The following ADAMTS14 variants were observed in gnomAD, a reference collection of about 807,000 sequenced individuals.
The protein encoded by ADAMTS14 is ADAM metallopeptidase with thrombospondin type 1 motif 14.
ADAMTS14 carries 100 observed loss-of-function variants against 128.6 expected under a neutral mutation model. The ratio of observed to expected loss-of-function variants is 0.78; its 90% CI spans 0.66 to 0.92. ADAMTS14 has a LOEUF of 0.92. Ranked by LOEUF, ADAMTS14 falls within the 40% of genes least tolerant of loss-of-function variation. The pLI, the probability that ADAMTS14 is intolerant of heterozygous loss-of-function variation, is 0.00. For missense variants in ADAMTS14, 1,562 were observed against 1,658.6 expected, an observed-to-expected ratio of 0.94 and a Z score of 1.01; for synonymous variants, 665 against 653.8, an observed-to-expected ratio of 1.02 and a Z score of -0.26.
intron 1 of ADAMTS14, 56 bp downstream of exon 1, chr10:70,672,940 G>T (rs954615117): frequency 2.9e-6 from 4 of 1,381,638 alleles, no homozygotes; most frequent in Non-Finnish European, 3.7e-6. Flanking sequence ...ACGCGGTCAG[G>T]GTGGCCCAAG....
rs74797959 is a variant in ADAMTS14 at position 70,702,363 on chromosome 10, C to G, written c.574C>G (p.Arg192Gly). ...CGACTTCTTCATTGAGCCTCTGGAG[C>G]GGGGCCAGCAGGAGAAGGAGGCCAG... ...STDFFIEPLERGQQEKEASGR... is the reference protein window; with the variant it reads ...STDFFIEPLEGGQQEKEASGR... Residue 192 changes from arginine to glycine, a missense_variant, in exon 3 of 22, where the codon CGG becomes GGG. Arg to Gly is a moderately radical substitution (Grantham distance 125). Transcript: ENST00000373207. The G allele has an allele frequency of 3.8e-5, 61 of 1,614,028 alleles. No individual in the cohort carries two copies. The highest frequency in any genetic ancestry group is 4.9e-5 in the Non-Finnish European group (58 of 1,180,030).
At chr10:70,692,085 C>T (rs911130554) in intron 2 of ADAMTS14, among the ~76,000 whole-genome samples, 3 of 151,968 alleles carry the variant, frequency 2.0e-5, no homozygotes, top group Non-Finnish European at 2.9e-5. Context: ...TGCACTGACT[C>T]CTGAGCCCCA....
chr10:70,693,910 G>A (rs1840259685), intron 2 of ADAMTS14, among the ~76,000 whole-genome samples: 2 of 152,236 alleles, frequency 1.3e-5, no homozygotes, highest in South Asian at 4.1e-4. Context: ...GATGGTGCTG[G>A]TATGGGGTGC....
At chr10:70,677,223 C>A (rs112561541) in intron 2 of ADAMTS14, among the ~76,000 whole-genome samples, 1,606 of 152,248 alleles carry the variant, frequency 0.011, 15 homozygotes, top group Middle Eastern at 0.034. Context: ...GGTGACAAGT[C>A]TTCATGCTCT....
intron 19 of ADAMTS14, among the ~76,000 whole-genome samples, chr10:70,757,320 C>G (rs974597184): frequency 6.6e-6 from 1 of 152,172 alleles, no homozygotes; most frequent in Non-Finnish European, 1.5e-5. Flanking sequence ...GGGAAGAAGA[C>G]ACTTTTGAAC....
At chr10:70,748,288 G>A (rs1344114171) in intron 15 of ADAMTS14, among the ~76,000 whole-genome samples, 1 of 152,150 alleles carries the variant, frequency 6.6e-6, no homozygotes, top group East Asian at 1.9e-4. Context: ...TGGAATGAGG[G>A]GTGCATAATC....
chr10:70,676,959 C>G (rs1839663795), intron 2 of ADAMTS14, among the ~76,000 whole-genome samples: 1 of 152,158 alleles, frequency 6.6e-6, no homozygotes, highest in African/African-American at 2.4e-5. Context: ...CTCTGACTGC[C>G]CTCCTGGAGC....
At chr10:70,727,575 C>T (rs1841481485) in intron 4 of ADAMTS14, among the ~76,000 whole-genome samples, 1 of 151,870 alleles carries the variant, frequency 6.6e-6, no homozygotes, top group Non-Finnish European at 1.5e-5. Context: ...GGTGGCATCA[C>T]ATCCCTGACT....
intron 21 of ADAMTS14, among the ~76,000 whole-genome samples, chr10:70,759,997 C>T (rs545669446): frequency 1.3e-5 from 2 of 152,314 alleles, no homozygotes; most frequent in South Asian, 2.1e-4. Context: ...CGTGGAGTCC[C>T]CTGGAGGGCT....
rs1439938805 is a variant in ADAMTS14 at position 70,674,985 on chromosome 10, G to T, written c.512G>T (p.Cys171Phe). Reference sequence around the variant, plus strand: ...GGGGCAGCTGTTGCCATCAGCAACTGTGACGGATTGGTAAGGGATGAGACT... The same window carrying T: ...GGGGCAGCTGTTGCCATCAGCAACTTTGACGGATTGGTAAGGGATGAGACT... ...MPGAAVAISNCDGLAGLIRTD... is the reference protein window; with the variant it reads ...MPGAAVAISNFDGLAGLIRTD... The change falls in exon 2 of 22, where the codon TGT becomes TTT. Residue 171 changes from cysteine to phenylalanine, a missense_variant. Transcript: ENST00000373207. 8.1e-6 allele frequency: 13 copies of T among 1,612,210 alleles called. No individual in the cohort carries two copies. The highest frequency in any genetic ancestry group is 1.1e-5 in the Non-Finnish European group (13 of 1,179,918).
intron 3 of ADAMTS14, among the ~76,000 whole-genome samples, chr10:70,704,849 C>G (rs1418084423): frequency 1.3e-5 from 2 of 152,014 alleles, no homozygotes; most frequent in African/African-American, 4.8e-5. Context: ...CAAACACACG[C>G]TTACAAGCAC....
chr10:70,697,129 G>T (rs1840353307), intron 2 of ADAMTS14, among the ~76,000 whole-genome samples: 1 of 152,184 alleles, frequency 6.6e-6, no homozygotes, highest in East Asian at 1.9e-4. Context: ...TGGGGTGATT[G>T]GCTGAGAGGT....
intron 4 of ADAMTS14, among the ~76,000 whole-genome samples, chr10:70,719,325 C>T (rs997133557): frequency 2.6e-4 from 40 of 151,846 alleles, no homozygotes; most frequent in African/African-American, 9.4e-4. Flanking sequence ...TTATGGTTCA[C>T]ACAACACTTT....
At position 70,760,447 on chromosome 10, in the gene ADAMTS14, G is replaced by T; in HGVS notation, c.3266G>T (p.Cys1089Phe). 1 of 1,613,756 alleles carries T rather than the reference G, an allele frequency of 6.2e-7. No individual in the cohort carries two copies. The highest frequency in any genetic ancestry group is 8.5e-7 in the Non-Finnish European group (1 of 1,179,976). ...TCCATTCCCGGCTACCACCGGCTCT[G>T]CTGTGTGTCCTGCATCAAGAAGGCC... is the stretch of plus-strand genomic sequence containing the variant. ...YCSIPGYHRL[C>F]CVSCIKKASG... is the part of the protein sequence containing the mutation. Residue 1089 changes from cysteine to phenylalanine, a missense_variant, in exon 22 of 22, where the codon TGC becomes TTC. Physicochemically the swap from Cys to Phe is radical, Grantham distance 205. Transcript: ENST00000373207.
intron 4 of ADAMTS14, among the ~76,000 whole-genome samples, chr10:70,723,608 C>G (rs995906530): frequency 2.0e-5 from 3 of 152,184 alleles, no homozygotes; most frequent in Non-Finnish European, 4.4e-5. Flanking sequence ...TGCAAGGAGG[C>G]GCTTGTGGGC....
At chr10:70,713,602 C>T (rs1199882377) in intron 4 of ADAMTS14, among the ~76,000 whole-genome samples, 1 of 152,256 alleles carries the variant, frequency 6.6e-6, no homozygotes, top group Non-Finnish European at 1.5e-5. Flanking sequence ...GGTCCTCACA[C>T]TTAGGACCCA....
intron 4 of ADAMTS14, among the ~76,000 whole-genome samples, chr10:70,711,590 G>A (rs762531763): frequency 2.0e-5 from 3 of 152,242 alleles, no homozygotes; most frequent in Admixed American, 6.5e-5. Flanking sequence ...CACATGCCTG[G>A]CACATAGTGG....
chr10:70,756,834 CT>C (rs1439831166), intron 19 of ADAMTS14, among the ~76,000 whole-genome samples: 1 of 152,192 alleles, frequency 6.6e-6, no homozygotes, highest in African/African-American at 2.4e-5. Flanking sequence ...GCCCTGAGTG[CT>C]TTTTCCCCTG....
At chr10:70,707,499 C>T (rs4747083) in intron 3 of ADAMTS14, among the ~76,000 whole-genome samples, 10,712 of 152,246 alleles carry the variant, frequency 0.07, 496 homozygotes, top group East Asian at 0.16. Flanking sequence ...TAGCTTTCCC[C>T]GTGAGTCTCC....
Sources: allele counts gnomAD v4.1 joint callset (sites outside exome capture counted in the v4.1 genomes callset), GRCh38; gene constraint gnomAD v4.1.1; transcripts MANE v1.5; gene names NCBI Gene and HGNC (gene_info 2026-07-23, HGNC 2026-07-21).